MAD2L1: variants seen among roughly 807,000 people sequenced by gnomAD.
MAD2L1 encodes the protein mitotic spindle assembly checkpoint protein MAD2A.
Under a neutral mutation model 25.9 loss-of-function variants are expected in MAD2L1, and 10 were observed. That is an observed-to-expected ratio of 0.39 (90% CI 0.24 to 0.66). The LOEUF (loss-of-function observed/expected upper bound fraction) is 0.66, where lower values mean the gene tolerates loss of function less well. Among genes scored for constraint, MAD2L1 ranks in the 30% least tolerant of loss-of-function variants. The pLI is 0.49. For synonymous variants in MAD2L1, 81 were observed against 91.8 expected (o/e 0.88, Z 0.67); for missense variants, 180 against 246.4 (o/e 0.73, Z 1.80).
chr4:120,066,217 C>T (rs1189320104), intron 1 of MAD2L1, among the ~76,000 whole-genome samples: 1 of 152,142 alleles, frequency 6.6e-6, no homozygotes, highest in Non-Finnish European at 1.5e-5. Flanking sequence ...CCTCCCAAAT[C>T]CTGCCAGGTT....
Position 120,059,922 on chromosome 4 carries a change from T to C in MAD2L1, c.*196A>G, listed in dbSNP as rs1306095736. 2.3e-5 allele frequency: 10 copies of C among 430,704 alleles called. No homozygotes were observed. Among genetic ancestry groups the C allele is most frequent in the Middle Eastern group, 6.2e-4 (1 of 1,606 alleles). The allele number at this position is 430,704 out of a possible 1,614,324, so 26.7% of individuals were successfully genotyped here. A position where few individuals can be genotyped will look rare whatever the true frequency, so the allele number is the denominator to read the frequency against. The stretch of plus-strand genomic sequence containing the variant: ...TTTTGAACAATGTGCAATAAATTCA[T>C]GATGTTAACTCCATGGTAAGTCAAA... On this transcript the variant is annotated 3_prime_UTR_variant, in exon 5 of 5. Transcript: ENST00000296509.
rs1578462031 is a variant in MAD2L1 at position 120,066,796 on chromosome 4, A to C, written c.-62T>G. The C allele has an allele frequency of 2.4e-6, 3 of 1,230,844 alleles. No individual in the cohort carries two copies. Among genetic ancestry groups the C allele is most frequent in the Non-Finnish European group, 2.4e-6 (2 of 845,484 alleles). The allele number at this position is 1,230,844 out of a possible 1,614,324, so 76.2% of individuals were successfully genotyped here. ...CGCGGACAGCAACCACAGCGGCTCC[A>C]ACAGCACTTCCCCGCCAAGCGTTTC... On this transcript the variant is annotated 5_prime_UTR_variant, in exon 1 of 5. Transcript: ENST00000296509.
At chr4:120,066,226 T>C (rs745626611) in intron 1 of MAD2L1, among the ~76,000 whole-genome samples, 1 of 152,028 alleles carries the variant, frequency 6.6e-6, no homozygotes, top group Non-Finnish European at 1.5e-5. Flanking sequence ...TCCTGCCAGG[T>C]TCCTTTAGAA....
intron 3 of MAD2L1, among the ~76,000 whole-genome samples, chr4:120,061,362 A>C (rs368501617): frequency 1.3e-5 from 2 of 152,332 alleles, no homozygotes; most frequent in East Asian, 3.9e-4. Context: ...GTAATGCCTA[A>C]ATGTCTAATT....
intron 1 of MAD2L1, among the ~76,000 whole-genome samples, chr4:120,066,419 G>A (rs1376400780): frequency 1.3e-5 from 2 of 152,142 alleles, no homozygotes; most frequent in Non-Finnish European, 2.9e-5. Context: ...GTATCGGAAA[G>A]TAAGGGGTGG....
rs1328576672 is a variant in MAD2L1, at chr4:120,056,830, T to C, written c.*3288A>G. On this transcript the variant is annotated 3_prime_UTR_variant, in exon 5 of 5. Transcript: ENST00000296509. ...CAAGTTTTCAGATCAAATTGTGAAC[T>C]GTGGGGTGTGTTAGGAAGTATGTCA... 1 of 152,198 alleles carries C rather than the reference T, an allele frequency of 6.6e-6. No individual in the cohort carries two copies. Among genetic ancestry groups the C allele is most frequent in the Non-Finnish European group, 1.5e-5 (1 of 68,040 alleles). 9.4% of individuals were successfully genotyped at this position (152,198 alleles called of 1,614,324 possible).
Position 120,060,957 on chromosome 4 carries a change from T to G in MAD2L1, c.362A>C (p.Gln121Pro), listed in dbSNP as rs370388308. 50 of 1,609,560 alleles carry G rather than the reference T, an allele frequency of 3.1e-5. No individual in the cohort carries two copies. The highest frequency in any genetic ancestry group is 4.0e-5 in the Non-Finnish European group (47 of 1,176,446). The change falls in exon 4 of 5, where the codon CAG becomes CCG. Residue 121 changes from glutamine to proline, a missense_variant. By Grantham distance (76) the Gln-to-Pro change is moderately conservative. Coordinates refer to ENST00000296509, the MANE Select transcript of MAD2L1 (RefSeq NM_002358.4). ...ACGGATTTCATCCTGGATAGCTTTC[T>G]GAGACTTTTCTCTGGGTGCACTGTC... ...KDDSAPREKSQKAIQDEIRSV... is the reference protein window; with the variant it reads ...KDDSAPREKSPKAIQDEIRSV...
At position 120,065,831 on chromosome 4, in the gene MAD2L1, G is replaced by T. The variant is rs763815670; in HGVS notation, c.74-13C>A. ...TTGATGCCGAATGCTGCAAGCAAAA[G>T]AAATGTTACAGAAAATTCATTATCC... On this transcript the variant is annotated splice_polypyrimidine_tract_variant and intron_variant, in intron 1 of 4. Coordinates refer to ENST00000296509, the MANE Select transcript of MAD2L1 (RefSeq NM_002358.4). The T allele has an allele frequency of 6.2e-7, 1 of 1,610,664 alleles. No individual in the cohort carries two copies. Among genetic ancestry groups the T allele is most frequent in the Admixed American group, 1.7e-5 (1 of 59,122 alleles).
intron 2 of MAD2L1, among the ~76,000 whole-genome samples, chr4:120,065,218 C>G (rs545130363): frequency 3.3e-5 from 5 of 152,278 alleles, no homozygotes; most frequent in African/African-American, 1.2e-4. Context: ...AATCTTTTCT[C>G]TTTTTGAAGT....
At chr4:120,064,992 G>A (rs1003621917) in intron 2 of MAD2L1, among the ~76,000 whole-genome samples, 1 of 152,028 alleles carries the variant, frequency 6.6e-6, no homozygotes, top group Non-Finnish European at 1.5e-5. Flanking sequence ...TAACACGAAA[G>A]AAAAACTAAC....
intron 1 of MAD2L1, among the ~76,000 whole-genome samples, chr4:120,066,260 C>G (rs1322097106): frequency 6.6e-6 from 1 of 152,150 alleles, no homozygotes; most frequent in African/African-American, 2.4e-5. Context: ...TGTTCGAAAA[C>G]AAGGGTTCCC....
Position 120,066,812 on chromosome 4 carries a change from C to T in MAD2L1, c.-78G>A, listed in dbSNP as rs1371054807. 2.1e-5 allele frequency: 23 copies of T among 1,087,402 alleles called. No individual in the cohort carries two copies. The allele number at this position is 1,087,402 out of a possible 1,614,324, so 67.4% of individuals were successfully genotyped here. A position where few individuals can be genotyped will look rare whatever the true frequency, so the allele number is the denominator to read the frequency against. On this transcript the variant is annotated 5_prime_UTR_variant, in exon 1 of 5. Coordinates refer to ENST00000296509, the MANE Select transcript of MAD2L1 (RefSeq NM_002358.4). ...AGCGGCTCCAACAGCACTTCCCCGC[C>T]AAGCGTTTCAAAAGTAACGACGCAG...
chr4:120,059,618 C>T lies in MAD2L1; in HGVS notation c.*500G>A, dbSNP rs1726176543. Reference sequence around the variant, plus strand: ...TTGGAAACTGATTCAATAGGGAAAACTATACATGAAATGAAGGTCAAAAGG... The same window carrying T: ...TTGGAAACTGATTCAATAGGGAAAATTATACATGAAATGAAGGTCAAAAGG... On this transcript the variant is annotated 3_prime_UTR_variant, in exon 5 of 5. Transcript: ENST00000296509. 1 of 152,190 alleles carries T rather than the reference C, an allele frequency of 6.6e-6. No homozygotes were observed. Among genetic ancestry groups the T allele is most frequent in the Admixed American group, 6.5e-5 (1 of 15,280 alleles). The allele number at this position is 152,190 out of a possible 1,614,324, so 9.4% of individuals were successfully genotyped here. A position where few individuals can be genotyped will look rare whatever the true frequency, so the allele number is the denominator to read the frequency against.
chr4:120,064,492 G>C (rs1726280333), intron 2 of MAD2L1, among the ~76,000 whole-genome samples: 1 of 152,100 alleles, frequency 6.6e-6, no homozygotes, highest in Non-Finnish European at 1.5e-5. Context: ...AGAGCAAGGG[G>C]GTTTGTTACT....
intron 1 of MAD2L1, among the ~76,000 whole-genome samples, chr4:120,066,237 C>T (rs80288590): frequency 0.028 from 4,224 of 152,168 alleles, 84 homozygotes; most frequent in African/African-American, 0.053. Flanking sequence ...TCCTTTAGAA[C>T]GTGCAGCTGG....
Position 120,057,058 on chromosome 4 carries a change from T to TA in MAD2L1, c.*3059dup, listed in dbSNP as rs1726123105. On this transcript the variant is annotated 3_prime_UTR_variant, in exon 5 of 5. Coordinates refer to ENST00000296509, the MANE Select transcript of MAD2L1 (RefSeq NM_002358.4). ...AAACTGTGATCTGTTACAGGACTGG[T>TA]AAGCTACAACCCTGGGGCCGAAGCA... The TA allele has an allele frequency of 6.6e-6, 1 of 152,236 alleles. No homozygotes were observed. Among genetic ancestry groups the TA allele is most frequent in the East Asian group, 1.9e-4 (1 of 5,196 alleles). 9.4% of individuals were successfully genotyped at this position (152,236 alleles called of 1,614,324 possible). A position where few individuals can be genotyped will look rare whatever the true frequency, so the allele number is the denominator to read the frequency against.
In MAD2L1 at chr4:120,056,820, A is replaced by C. The variant is rs76470095; in HGVS notation, c.*3298T>G. ...CCTCCCTTAACAAGTTTTCAGATCA[A>C]ATTGTGAACTGTGGGGTGTGTTAGG... is the stretch of plus-strand genomic sequence containing the variant. On this transcript the variant is annotated 3_prime_UTR_variant, in exon 5 of 5. Coordinates refer to ENST00000296509, the MANE Select transcript of MAD2L1 (RefSeq NM_002358.4). The C allele has an allele frequency of 6.6e-6, 1 of 152,294 alleles. No individual in the cohort carries two copies. The highest frequency in any genetic ancestry group is 1.9e-4 in the East Asian group (1 of 5,178). 9.4% of individuals were successfully genotyped at this position (152,294 alleles called of 1,614,324 possible).
At chr4:120,062,136 G>C in intron 2 of MAD2L1, 41 bp from the exon 3 acceptor site, 1 of 1,580,428 alleles carries the variant, frequency 6.3e-7, no homozygotes, top group South Asian at 1.2e-5. Context: ...TTGGTCCACT[G>C]CATCATAAAG....
chr4:120,062,035 C>A lies in MAD2L1; in HGVS notation c.281G>T (p.Gly94Val). Residue 94 changes from glycine to valine, a missense_variant, in exon 3 of 5, where the codon GGT (glycine) becomes GTT (valine). Coordinates refer to ENST00000296509, the MANE Select transcript of MAD2L1 (RefSeq NM_002358.4). ...LVVVISNIES[G>V]EVLERWQFDI... ...AAACTGCCATCTTTCCAGGACCTCACCACTTTCAATATTTGAGATAACTAC... is the reference window on the plus strand; with the variant it reads ...AAACTGCCATCTTTCCAGGACCTCAACACTTTCAATATTTGAGATAACTAC... 6.2e-7 allele frequency: 1 copy of A among 1,613,060 alleles called. No homozygotes were observed. Among genetic ancestry groups the A allele is most frequent in the Non-Finnish European group, 8.5e-7 (1 of 1,179,328 alleles).
Sources: gnomAD v4.1 joint callset for allele counts (sites outside exome capture counted in the v4.1 genomes callset) on GRCh38, gnomAD v4.1.1 for gene constraint, MANE v1.5 for transcripts, NCBI Gene and HGNC (gene_info 2026-07-23, HGNC 2026-07-21) for gene names.